ZC3HAV1: variants seen among roughly 807,000 people sequenced by gnomAD.
ZC3HAV1 encodes zinc finger CCCH-type antiviral protein 1.
In ZC3HAV1, 41 loss-of-function variants were observed where a neutral mutation model predicts 86.6. The observed-to-expected ratio is 0.47, with a 90% CI of 0.37 to 0.61. The LOEUF (loss-of-function observed/expected upper bound fraction) is 0.61. Among genes scored for constraint, ZC3HAV1 ranks in the 20% least tolerant of loss-of-function variants. The pLI is 0.00. For missense variants in ZC3HAV1, 964 were observed against 1,141.1 expected, an observed-to-expected ratio of 0.84 and a Z score of 2.24; for synonymous variants, 421 against 432.1, an observed-to-expected ratio of 0.97 and a Z score of 0.32.
At chr7:139,064,759 T>A (rs1816547553) in intron 8 of ZC3HAV1, 120 bp downstream of exon 8, 4 of 1,521,112 alleles carry the variant, frequency 2.6e-6, no homozygotes, top group African/African-American at 2.7e-5. Flanking sequence ...CTCCACCGCC[T>A]TGCTAAATCT....
chr7:139,047,422 G>T lies in ZC3HAV1; in HGVS notation c.*172C>A. ...GGGTGCAACCTGGGCATCAGAATTTGTTTAAAACCTCCCAGATGATTCTAA... is the reference window on the plus strand; with the variant it reads ...GGGTGCAACCTGGGCATCAGAATTTTTTTAAAACCTCCCAGATGATTCTAA... On this transcript the variant is annotated 3_prime_UTR_variant, in exon 13 of 13. Transcript: ENST00000242351. 2.5e-6 allele frequency: 2 copies of T among 784,790 alleles called. No individual in the cohort carries two copies. Among genetic ancestry groups the T allele is most frequent in the East Asian group, 3.2e-5 (1 of 31,420 alleles). 48.6% of individuals were successfully genotyped at this position (784,790 alleles called of 1,614,324 possible).
chr7:139,101,477 C>G (rs1265575557), intron 1 of ZC3HAV1, among the ~76,000 whole-genome samples: 12 of 105,558 alleles, frequency 1.1e-4, no homozygotes, highest in Admixed American at 2.3e-4. Flanking sequence ...ATGTGAGGAG[C>G]GCCTCAGCCC....
chr7:139,064,903 G>A lies in ZC3HAV1; in HGVS notation c.1969C>T (p.Arg657Trp), dbSNP rs768601088. The change falls in exon 8 of 13, where the codon CGG becomes TGG. Residue 657 changes from arginine (R) to tryptophan (W), a missense_variant. Transcript: ENST00000242351. Reference sequence around the variant, plus strand: ...CCTTGGAAACTCAGCTCATAGTTCCGTGAGCCCGCCTGAAATGGCACAACT... The same window carrying A: ...CCTTGGAAACTCAGCTCATAGTTCCATGAGCCCGCCTGAAATGGCACAACT... ...RGVVPFQAGSRNYELSFQGMI... is the reference protein window; with the variant it reads ...RGVVPFQAGSWNYELSFQGMI... 2.9e-5 allele frequency: 46 copies of A among 1,614,016 alleles called. No individual in the cohort carries two copies. The highest frequency in any genetic ancestry group is 6.7e-5 in the East Asian group (3 of 44,898).
chr7:139,055,756 A>T (rs918973957), intron 9 of ZC3HAV1, among the ~76,000 whole-genome samples: 1 of 152,194 alleles, frequency 6.6e-6, no homozygotes, highest in African/African-American at 2.4e-5. Context: ...CATAGAGCTA[A>T]AGCTACCAGA....
intron 1 of ZC3HAV1, among the ~76,000 whole-genome samples, chr7:139,099,063 G>T (rs989176107): frequency 7.2e-5 from 11 of 151,968 alleles, no homozygotes; most frequent in Non-Finnish European, 1.3e-4. Context: ...TGCTTCATTT[G>T]TCACTATTTA....
intron 12 of ZC3HAV1, 98 bp from the exon 13 acceptor site, chr7:139,047,951 A>C: frequency 1.6e-6 from 2 of 1,222,398 alleles, no homozygotes; most frequent in South Asian, 2.8e-5. Context: ...TGGACTAAGC[A>C]TATGTCAATA....
chr7:139,064,594 G>A (rs562367347), intron 8 of ZC3HAV1, among the ~76,000 whole-genome samples: 5 of 152,264 alleles, frequency 3.3e-5, no homozygotes, highest in Admixed American at 6.5e-5. Flanking sequence ...GGCAGAGCTG[G>A]AAGTACCCCC....
intron 3 of ZC3HAV1, among the ~76,000 whole-genome samples, chr7:139,081,583 T>C (rs1165095078): frequency 6.6e-6 from 1 of 152,244 alleles, no homozygotes; most frequent in Non-Finnish European, 1.5e-5. Flanking sequence ...TTTCTAGTGA[T>C]GTGAGGCCTT....
rs1238567315 is a variant in ZC3HAV1 at position 139,046,755 on chromosome 7, T to G, written c.*839A>C. The G allele has an allele frequency of 6.6e-6, 1 of 152,258 alleles. No individual in the cohort carries two copies. Among genetic ancestry groups the G allele is most frequent in the Non-Finnish European group, 1.5e-5 (1 of 68,082 alleles). 9.4% of individuals were successfully genotyped at this position (152,258 alleles called of 1,614,324 possible). The stretch of plus-strand genomic sequence containing the variant: ...AATTTTACTTTTTTTTCCCCTAGCA[T>G]GTCCTTAAGCATTTTCTCCCCAGCT... On this transcript the variant is annotated 3_prime_UTR_variant, in exon 13 of 13. Transcript: ENST00000242351.
At chr7:139,076,510 C>T in intron 5 of ZC3HAV1, 101 bp from the exon 6 acceptor site, 2 of 1,479,598 alleles carry the variant, frequency 1.4e-6, no homozygotes, top group Non-Finnish European at 1.8e-6. Context: ...CTGCCCTGCC[C>T]CCTGCCAGAC....
chr7:139,104,604 T>C (rs912509963), intron 1 of ZC3HAV1, among the ~76,000 whole-genome samples: 3 of 150,146 alleles, frequency 2.0e-5, no homozygotes, highest in Non-Finnish European at 2.9e-5. Context: ...GCGCCTGTAG[T>C]CCCAGCTACG....
At chr7:139,085,914 T>C (rs12671322) in intron 2 of ZC3HAV1, among the ~76,000 whole-genome samples, 8,328 of 151,754 alleles carry the variant, frequency 0.055, 253 homozygotes, top group Admixed American at 0.067. Flanking sequence ...CACGGGAAAC[T>C]GAGGCAGGAG....
intron 1 of ZC3HAV1, among the ~76,000 whole-genome samples, chr7:139,095,152 G>A (rs1254809776): frequency 2.0e-5 from 3 of 152,112 alleles, no homozygotes; most frequent in Non-Finnish European, 2.9e-5. Flanking sequence ...AAAGGAACCA[G>A]GATGTGTGAA....
intron 2 of ZC3HAV1, among the ~76,000 whole-genome samples, chr7:139,084,869 A>T (rs1817231120): frequency 6.6e-6 from 1 of 152,238 alleles, no homozygotes; most frequent in African/African-American, 2.4e-5. Flanking sequence ...TTAATGAGTC[A>T]CTTCGATAGA....
chr7:139,079,593 T>C lies in ZC3HAV1; in HGVS notation c.1348A>G (p.Thr450Ala). 1 of 1,614,220 alleles carries C rather than the reference T, an allele frequency of 6.2e-7. No individual in the cohort carries two copies. Among genetic ancestry groups the C allele is most frequent in the Non-Finnish European group, 8.5e-7 (1 of 1,180,040 alleles). ...GATATTTCTCTGTGACCGCTGCTAG[T>C]GCTTTTGTAATTTAAGGATCTGGTA... Reference protein sequence around the residue: ...TSTRSLNYKSTSSGHREISSP... With the variant: ...TSTRSLNYKSASSGHREISSP... Residue 450 changes from threonine to alanine, a missense_variant, in exon 4 of 13, where the codon ACT (threonine) becomes GCT (alanine). Transcript: ENST00000242351.
chr7:139,059,236 T>G (rs1020868732), intron 9 of ZC3HAV1, among the ~76,000 whole-genome samples: 2 of 152,196 alleles, frequency 1.3e-5, no homozygotes, highest in African/African-American at 2.4e-5. Context: ...TCCACCAGAA[T>G]GTAAGCTCCC....
chr7:139,053,326 T>C, intron 12 of ZC3HAV1, 125 bp downstream of exon 12: 1 of 1,217,986 alleles, frequency 8.2e-7, no homozygotes, highest in African/African-American at 1.6e-5. Context: ...TTACTGTCTC[T>C]CCAGGACCAC....
At chr7:139,075,578 C>T (rs995603902) in intron 6 of ZC3HAV1, among the ~76,000 whole-genome samples, 5 of 152,158 alleles carry the variant, frequency 3.3e-5, no homozygotes, top group African/African-American at 1.2e-4. Flanking sequence ...TAGCTGGGAC[C>T]ACAGGTGCGT....
chr7:139,071,138 C>T (rs1329569233), intron 7 of ZC3HAV1, among the ~76,000 whole-genome samples: 1 of 150,094 alleles, frequency 6.7e-6, no homozygotes, highest in Non-Finnish European at 1.5e-5. Flanking sequence ...ACTCTGTCAC[C>T]CAGGCTGGAG....
Sources: allele counts gnomAD v4.1 joint callset (sites outside exome capture counted in the v4.1 genomes callset), GRCh38; gene constraint gnomAD v4.1.1; transcripts MANE v1.5; gene names NCBI Gene and HGNC (gene_info 2026-07-23, HGNC 2026-07-21).